CHD6: variants seen among roughly 807,000 people sequenced by gnomAD.
The protein encoded by CHD6 is ATP-dependent chromatin remodeler CHD6.
In CHD6, 50 loss-of-function variants were observed where a neutral mutation model predicts 276.9. The observed-to-expected ratio is 0.18, with a 90% CI of 0.14 to 0.23. The LOEUF is 0.23. Among genes scored for constraint, CHD6 ranks in the 10% least tolerant of loss-of-function variants. The pLI is 1.00. For synonymous variants in CHD6, 1,173 were observed against 1,229.3 expected (o/e 0.95, Z 0.96); for missense variants, 2,564 against 3,365.8 (o/e 0.76, Z 5.89).
chr20:41,587,383 T>C lies in CHD6; in HGVS notation c.-24+30957A>G, dbSNP rs186263052. ...CAAATGAGCTGACTTATTTTATTCT[T>C]CTCTTTGGAGTTGATAAGAGAATAA... On this transcript the variant is annotated intron_variant, in intron 1 of 36. Transcript: ENST00000373233. 2.6e-5 allele frequency among the ~76,000 whole-genome samples: 4 copies of C among 152,324 alleles called. No homozygotes were observed. The East Asian group carries it at 7.7e-4, about 29-fold the overall frequency.
rs1412743406 is a variant in CHD6 at position 41,483,506 on chromosome 20, T to C, written c.2271A>G (p.Lys757=). 2 of 1,611,922 alleles carry C rather than the reference T, an allele frequency of 1.2e-6. No individual in the cohort carries two copies. Among genetic ancestry groups the C allele is most frequent in the Non-Finnish European group, 1.7e-6 (2 of 1,179,112 alleles). The change falls in exon 16 of 37, where the codon AAA becomes AAG. Residue 757 remains lysine (K), a synonymous_variant. Coordinates refer to ENST00000373233, the MANE Select transcript of CHD6 (RefSeq NM_032221.5). ...HPYLINGAEE[K]ILEDFRKTHS... is the part of the protein sequence containing the mutation. ...GGGTTTTTCGGAAATCTTCTAGAAT[T>C]TTCTCCTCTGCTCCTGAAAAGGAAT...
chr20:41,441,975 A>C (rs888905120), intron 25 of CHD6, among the ~76,000 whole-genome samples: 1 of 152,236 alleles, frequency 6.6e-6, no homozygotes, highest in African/African-American at 2.4e-5. Context: ...AACTCAACTG[A>C]GCTGTCAAGA....
intron 6 of CHD6, 28 bp from the exon 7 acceptor site, chr20:41,498,254 C>A (rs374536930): frequency 4.4e-6 from 7 of 1,574,128 alleles, no homozygotes; most frequent in Non-Finnish European, 6.1e-6. Flanking sequence ...CAGTTATCAG[C>A]CCAGATCCCA....
At chr20:41,564,495 A>G (rs948547435) in intron 1 of CHD6, among the ~76,000 whole-genome samples, 3 of 152,212 alleles carry the variant, frequency 2.0e-5, no homozygotes, top group Non-Finnish European at 2.9e-5. Context: ...AACAAAAAAC[A>G]TACCAGTGGT....
chr20:41,417,933 T>C (rs1453041844), intron 31 of CHD6, among the ~76,000 whole-genome samples: 1 of 152,256 alleles, frequency 6.6e-6, no homozygotes, highest in Admixed American at 6.5e-5. Flanking sequence ...TGAAAGTTTA[T>C]CATCAATGTG....
chr20:41,572,441 C>A (rs2045428114), intron 1 of CHD6, among the ~76,000 whole-genome samples: 1 of 152,186 alleles, frequency 6.6e-6, no homozygotes, highest in Non-Finnish European at 1.5e-5. Flanking sequence ...CCAGGCCTCA[C>A]ACACACAATA....
intron 1 of CHD6, among the ~76,000 whole-genome samples, chr20:41,599,295 C>T (rs1601184097): frequency 6.6e-6 from 1 of 152,136 alleles, no homozygotes; most frequent in African/African-American, 2.4e-5. Flanking sequence ...TCCCTAACAA[C>T]ACAGCCCCCG....
At chr20:41,543,590 G>A (rs984301668) in intron 2 of CHD6, among the ~76,000 whole-genome samples, 1 of 152,070 alleles carries the variant, frequency 6.6e-6, no homozygotes, top group Admixed American at 6.5e-5. Context: ...TTATTAAGTG[G>A]ACATATATTA....
intron 3 of CHD6, among the ~76,000 whole-genome samples, chr20:41,521,415 G>A (rs916980517): frequency 6.6e-6 from 1 of 152,114 alleles, no homozygotes; most frequent in Admixed American, 6.6e-5. Flanking sequence ...TTGGGAACTG[G>A]CAAATATGAA....
chr20:41,470,671 C>G (rs8183659), intron 17 of CHD6, among the ~76,000 whole-genome samples: 1 of 152,260 alleles, frequency 6.6e-6, no homozygotes. Flanking sequence ...ATCCAAGACC[C>G]TTATTCTGGA....
intron 3 of CHD6, among the ~76,000 whole-genome samples, chr20:41,527,282 C>T (rs550025024): frequency 1.3e-5 from 2 of 152,062 alleles, no homozygotes; most frequent in Admixed American, 6.6e-5. Context: ...ACTAAAAATA[C>T]AAAAAATAAA....
At chr20:41,568,898 A>C (rs1423751455) in intron 1 of CHD6, among the ~76,000 whole-genome samples, 1 of 152,136 alleles carries the variant, frequency 6.6e-6, no homozygotes, top group African/African-American at 2.4e-5. Flanking sequence ...CACTTTCCTT[A>C]GGGTCTGAGA....
chr20:41,612,499 C>T (rs1223129685), intron 1 of CHD6, among the ~76,000 whole-genome samples: 1 of 152,066 alleles, frequency 6.6e-6, no homozygotes, highest in Non-Finnish European at 1.5e-5. Flanking sequence ...ATCACAGGAT[C>T]AACAATAATG....
At position 41,442,001 on chromosome 20, in the gene CHD6, G is replaced by T. The variant is rs542791821; in HGVS notation, c.3878-1872C>A. On this transcript the variant is annotated intron_variant, in intron 25 of 36. Coordinates refer to ENST00000373233, the MANE Select transcript of CHD6 (RefSeq NM_032221.5). ...GCTGTCAAGAGCATAATTTAGAATA[G>T]GTTTGCCACAGAAATCTTTTTGCTG... 4.6e-5 allele frequency among the ~76,000 whole-genome samples: 7 copies of T among 152,330 alleles called. No individual in the cohort carries two copies. The East Asian group carries it at 1.3e-3, about 29-fold the overall frequency.
At chr20:41,477,869 G>C (rs912987325) in intron 16 of CHD6, among the ~76,000 whole-genome samples, 3 of 152,152 alleles carry the variant, frequency 2.0e-5, no homozygotes, top group African/African-American at 7.2e-5. Flanking sequence ...TTAGCCTCTA[G>C]ATCACCTACC....
At chr20:41,439,149 G>T (rs917328855) in intron 26 of CHD6, among the ~76,000 whole-genome samples, 2 of 151,958 alleles carry the variant, frequency 1.3e-5, no homozygotes, top group African/African-American at 4.8e-5. Context: ...CAAGGTCAGG[G>T]GTTCAAAACC....
intron 1 of CHD6, among the ~76,000 whole-genome samples, chr20:41,572,917 C>CT (rs900487417): frequency 2.9e-4 from 43 of 146,564 alleles, no homozygotes; most frequent in South Asian, 6.5e-4. Flanking sequence ...GCTCAAGACC[C>CT]TTTTTTTTTT....
At chr20:41,574,346 T>C (rs2045450875) in intron 1 of CHD6, among the ~76,000 whole-genome samples, 1 of 152,222 alleles carries the variant, frequency 6.6e-6, no homozygotes, top group African/African-American at 2.4e-5. Flanking sequence ...TACTTGGAGA[T>C]AATGAAATCA....
chr20:41,506,713 T>G (rs2043984676), intron 5 of CHD6, among the ~76,000 whole-genome samples: 1 of 152,200 alleles, frequency 6.6e-6, no homozygotes, highest in Admixed American at 6.6e-5. Context: ...TGACCTCCCA[T>G]GCCGTGTAGG....
Sources: gnomAD v4.1 joint callset for allele counts (sites outside exome capture counted in the v4.1 genomes callset) on GRCh38, gnomAD v4.1.1 for gene constraint, MANE v1.5 for transcripts, NCBI Gene and HGNC (gene_info 2026-07-23, HGNC 2026-07-21) for gene names.